Variants in SCD5 observed in about 807,000 individuals in gnomAD.
SCD5 encodes acyl-CoA-desaturase 4.
A neutral mutation model predicts 30.4 loss-of-function variants in SCD5; 20 were observed. That is an observed-to-expected ratio of 0.66 (90% CI 0.46 to 0.96). The LOEUF (loss-of-function observed/expected upper bound fraction) is 0.96. Ranked by LOEUF, SCD5 falls within the 40% of genes least tolerant of loss-of-function variation. SCD5 has a pLI of 0.00. For missense variants in SCD5, 381 were observed against 443.3 expected, an observed-to-expected ratio of 0.86 and a Z score of 1.26; for synonymous variants, 173 against 176.4, an observed-to-expected ratio of 0.98 and a Z score of 0.16.
intron 1 of SCD5, among the ~76,000 whole-genome samples, chr4:82,740,933 C>CT (rs34077562): frequency 4.9e-4 from 70 of 143,658 alleles, no homozygotes; most frequent in Non-Finnish European, 7.6e-4. Flanking sequence ...TTTCCCAATT[C>CT]TTTTTTTTTT....
At chr4:82,749,377 C>A (rs1721055690) in intron 1 of SCD5, among the ~76,000 whole-genome samples, 1 of 152,184 alleles carries the variant, frequency 6.6e-6, no homozygotes, top group Non-Finnish European at 1.5e-5. Flanking sequence ...CCAAAAGAAT[C>A]TTTATGGCTT....
At chr4:82,665,316 T>G (rs1728162373) in intron 3 of SCD5, among the ~76,000 whole-genome samples, 1 of 144,322 alleles carries the variant, frequency 6.9e-6, no homozygotes. Context: ...TTTTCCAAAA[T>G]TAATGAAAGA....
intron 1 of SCD5, among the ~76,000 whole-genome samples, chr4:82,794,160 G>T (rs1348615989): frequency 6.6e-6 from 1 of 152,102 alleles, no homozygotes; most frequent in South Asian, 2.1e-4. Context: ...TCCCACTCAG[G>T]ATGGTACAGA....
intron 3 of SCD5, among the ~76,000 whole-genome samples, chr4:82,673,391 T>C (rs1458773250): frequency 6.6e-6 from 1 of 152,088 alleles, no homozygotes; most frequent in African/African-American, 2.4e-5. Context: ...CATTTGAAAT[T>C]AAAAACACAA....
chr4:82,742,736 G>A (rs1720903322), intron 1 of SCD5, among the ~76,000 whole-genome samples: 1 of 152,218 alleles, frequency 6.6e-6, no homozygotes, highest in African/African-American at 2.4e-5. Context: ...GCCGTGAGCT[G>A]AGATTGTGCC....
At chr4:82,632,256 A>G (rs1322545189) in intron 4 of SCD5, among the ~76,000 whole-genome samples, 2 of 143,168 alleles carry the variant, frequency 1.4e-5, no homozygotes, top group Non-Finnish European at 3.0e-5. Context: ...TCACTGTTCA[A>G]TTCCCACCTA....
rs556184570 is a variant in SCD5 at position 82,685,606 on chromosome 4, G to A, written c.364-4694C>T. ...TACGCGGCTGTAATACCAGCTACTC[G>A]GGAGACTGAGGCATGAGAATCACCT... On this transcript the variant is annotated intron_variant, in intron 2 of 4. Transcript: ENST00000319540. Among the ~76,000 whole-genome samples, 26 of 150,744 alleles carry A rather than the reference G, an allele frequency of 1.7e-4. No individual in the cohort carries two copies. The South Asian group carries it at 4.7e-3, about 27-fold the overall frequency.
chr4:82,760,202 G>T (rs1412219640), intron 1 of SCD5, among the ~76,000 whole-genome samples: 1 of 152,106 alleles, frequency 6.6e-6, no homozygotes, highest in Admixed American at 6.6e-5. Context: ...CTAAAGGATT[G>T]TCTAAACTCC....
chr4:82,643,580 T>C (rs544490404), intron 3 of SCD5, among the ~76,000 whole-genome samples: 15 of 152,344 alleles, frequency 9.8e-5, no homozygotes, highest in African/African-American at 3.6e-4. Flanking sequence ...GAGAAAGTTA[T>C]TATTTCATGA....
At chr4:82,702,990 G>A (rs1027450096) in intron 2 of SCD5, among the ~76,000 whole-genome samples, 11 of 152,178 alleles carry the variant, frequency 7.2e-5, no homozygotes, top group Admixed American at 6.5e-4. Flanking sequence ...CTAGGTCTAA[G>A]TGACATTGTT....
chr4:82,798,587 G>A lies in SCD5; in HGVS notation c.-50C>T. 1 of 1,488,082 alleles carries A rather than the reference G, an allele frequency of 6.7e-7. No homozygotes were observed. The highest frequency in any genetic ancestry group is 9.0e-7 in the Non-Finnish European group (1 of 1,112,452). The allele number at this position is 1,488,082 out of a possible 1,614,324, so 92.2% of individuals were successfully genotyped here. A position where few individuals can be genotyped will look rare whatever the true frequency, so the allele number is the denominator to read the frequency against. ...GCAGCGGCAGGCAGGCAGGCGCTCT[G>A]CCCGAGCGGAGCTCGAGGGTGGGGG... On this transcript the variant is annotated 5_prime_UTR_variant, in exon 1 of 5. Coordinates refer to ENST00000319540, the MANE Select transcript of SCD5 (RefSeq NM_001037582.3).
At position 82,684,596 on chromosome 4, in the gene SCD5, T is replaced by C. The variant is rs562467896; in HGVS notation, c.364-3684A>G. Among the ~76,000 whole-genome samples, 3 of 152,284 alleles carry C rather than the reference T, an allele frequency of 2.0e-5. No individual in the cohort carries two copies. The East Asian group carries it at 5.8e-4, about 29-fold the overall frequency. On this transcript the variant is annotated intron_variant, in intron 2 of 4. Transcript: ENST00000319540. Reference sequence around the variant, plus strand: ...AGGTTTGGGTACCTAGAGCTCATTTTGGTACAGTCAGTATGTGCTTTAGCA... The same window carrying C: ...AGGTTTGGGTACCTAGAGCTCATTTCGGTACAGTCAGTATGTGCTTTAGCA...
intron 1 of SCD5, among the ~76,000 whole-genome samples, chr4:82,765,675 A>C (rs1246312513): frequency 6.6e-6 from 1 of 151,218 alleles, no homozygotes; most frequent in East Asian, 1.9e-4. Context: ...GGAGTGCAGC[A>C]GTGTGATCTT....
chr4:82,652,565 T>C (rs1386216207), intron 3 of SCD5, among the ~76,000 whole-genome samples: 1 of 152,118 alleles, frequency 6.6e-6, no homozygotes, highest in Non-Finnish European at 1.5e-5. Context: ...GATTCTACCA[T>C]GCATAGAGAT....
chr4:82,761,378 T>C (rs909371275), intron 1 of SCD5, among the ~76,000 whole-genome samples: 1 of 152,180 alleles, frequency 6.6e-6, no homozygotes, highest in African/African-American at 2.4e-5. Context: ...AACACGAAGA[T>C]TCCATCCACA....
chr4:82,664,224 G>A (rs1368284727), intron 3 of SCD5, among the ~76,000 whole-genome samples: 1 of 152,124 alleles, frequency 6.6e-6, no homozygotes, highest in Non-Finnish European at 1.5e-5. Context: ...TGAAGTCTGT[G>A]GTGCACTAAG....
chr4:82,753,435 G>C (rs1024270014), intron 1 of SCD5: 1 of 525,996 alleles, frequency 1.9e-6, no homozygotes, highest in Non-Finnish European at 3.9e-6. Context: ...TGAATTTAAA[G>C]GCACAAAGCA....
chr4:82,751,638 AT>A (rs1721104306), intron 1 of SCD5, among the ~76,000 whole-genome samples: 1 of 151,264 alleles, frequency 6.6e-6, no homozygotes, highest in Non-Finnish European at 1.5e-5. Context: ...TTAGTTAGTT[AT>A]TTTTTTGAGA....
Position 82,798,315 on chromosome 4 carries a change from G to T in SCD5, c.223C>A (p.Leu75Met). ...VLIPKAKPLT[L>M]LWAYFCFLLA... ...CGCCGGCGGGACTTACCCCAGAGCAGAGTGAGTGGCTTGGCTTTGGGGATG... is the reference window on the plus strand; with the variant it reads ...CGCCGGCGGGACTTACCCCAGAGCATAGTGAGTGGCTTGGCTTTGGGGATG... The change falls in exon 1 of 5, where the codon CTG (leucine) becomes ATG (methionine). Residue 75 changes from leucine (L) to methionine (M), a missense_variant. Coordinates refer to ENST00000319540, the MANE Select transcript of SCD5 (RefSeq NM_001037582.3). The T allele has an allele frequency of 1.2e-6, 2 of 1,610,292 alleles. No individual in the cohort carries two copies. Among genetic ancestry groups the T allele is most frequent in the Non-Finnish European group, 1.7e-6 (2 of 1,178,600 alleles).
Sources: allele counts gnomAD v4.1 joint callset (sites outside exome capture counted in the v4.1 genomes callset), GRCh38; gene constraint gnomAD v4.1.1; transcripts MANE v1.5; gene names NCBI Gene and HGNC (gene_info 2026-07-23, HGNC 2026-07-21).